ARID1B: variants seen among roughly 807,000 people sequenced by gnomAD.
The protein encoded by ARID1B is AT-rich interactive domain-containing protein 1B.
A neutral mutation model predicts 212.3 loss-of-function variants in ARID1B; 30 were observed. The observed-to-expected ratio is 0.14, with a 90% CI of 0.11 to 0.19. The LOEUF is 0.19. Among genes scored for constraint, ARID1B ranks in the 10% least tolerant of loss-of-function variants. The probability of loss-of-function intolerance (pLI) is 1.00; values close to 1 mark genes in which losing one functional copy is unlikely to be tolerated. For synonymous variants in ARID1B, 1,402 were observed against 1,301.7 expected, an observed-to-expected ratio of 1.08 and a Z score of -1.66; for missense variants, 2,891 against 3,204.0, an observed-to-expected ratio of 0.90 and a Z score of 2.36.
At chr6:156,898,377 C>T (rs796832249) in intron 2 of ARID1B, among the ~76,000 whole-genome samples, 3 of 152,198 alleles carry the variant, frequency 2.0e-5, no homozygotes, top group African/African-American at 7.2e-5. Flanking sequence ...GTGTCTTGGT[C>T]CTCAGCATAT....
rs1794616877 is a variant in ARID1B, at chr6:157,208,386, T to C, written c.*495T>C. ...TCCCATCACCCAAAGTTCTGTGCAA[T>C]AGAAATTTCTACAGATACAGGTATA... On this transcript the variant is annotated 3_prime_UTR_variant, in exon 20 of 20. Transcript: ENST00000636930. The C allele has an allele frequency of 4.3e-6, 1 of 233,456 alleles. No individual in the cohort carries two copies. The highest frequency in any genetic ancestry group is 8.5e-6 in the Non-Finnish European group (1 of 118,012). The allele number at this position is 233,456 out of a possible 1,614,324, so 14.5% of individuals were successfully genotyped here. A position where few individuals can be genotyped will look rare whatever the true frequency, so the allele number is the denominator to read the frequency against.
intron 4 of ARID1B, among the ~76,000 whole-genome samples, chr6:156,944,961 C>G (rs992372260): frequency 1.4e-5 from 2 of 143,604 alleles, no homozygotes; most frequent in Non-Finnish European, 3.0e-5. Flanking sequence ...CTCGCTGTGT[C>G]GCCCAGGCTG....
At chr6:157,140,870 C>T in intron 7 of ARID1B, 1 of 391,364 alleles carries the variant, frequency 2.6e-6, no homozygotes, top group South Asian at 1.4e-4. Context: ...AGAGTCCTCC[C>T]TCCTGTGTTT....
intron 13 of ARID1B, 173 bp downstream of exon 13, chr6:157,184,608 G>T: frequency 1.4e-6 from 1 of 728,442 alleles, no homozygotes. Context: ...AGTGTTAAGG[G>T]ATGAGAGAAT....
At chr6:156,905,743 A>T (rs1263330609) in intron 3 of ARID1B, among the ~76,000 whole-genome samples, 1 of 152,066 alleles carries the variant, frequency 6.6e-6, no homozygotes, top group African/African-American at 2.4e-5. Flanking sequence ...GTATATCCTC[A>T]TTATCCTTCT....
intron 4 of ARID1B, among the ~76,000 whole-genome samples, chr6:157,006,353 C>CA (rs1779251130): frequency 6.6e-6 from 1 of 152,180 alleles, no homozygotes; most frequent in East Asian, 1.9e-4. Context: ...GGTCCTCCCC[C>CA]ACCTCCCTCC....
chr6:157,001,383 A>G (rs1029720513), intron 4 of ARID1B, among the ~76,000 whole-genome samples: 8 of 152,186 alleles, frequency 5.3e-5, no homozygotes, highest in African/African-American at 9.7e-5. Flanking sequence ...GATAAATATG[A>G]GAAGTGCAGG....
At chr6:157,143,490 G>A (rs116971520) in intron 7 of ARID1B, among the ~76,000 whole-genome samples, 8,540 of 151,932 alleles carry the variant, frequency 0.056, 365 homozygotes, top group South Asian at 0.22. Flanking sequence ...AAAAGATGGG[G>A]GGGGTGATGT....
intron 2 of ARID1B, among the ~76,000 whole-genome samples, chr6:156,886,581 C>A (rs1209079865): frequency 1.3e-5 from 2 of 152,188 alleles, no homozygotes; most frequent in African/African-American, 4.8e-5. Context: ...CCACCTTTCA[C>A]TTCCGTTTAA....
intron 2 of ARID1B, among the ~76,000 whole-genome samples, chr6:156,856,305 A>G (rs149527438): frequency 2.4e-3 from 364 of 152,358 alleles, no homozygotes; most frequent in African/African-American, 8.2e-3. Context: ...CATATAGCCT[A>G]TGCTTTTCAG....
In ARID1B at chr6:157,041,578, G is replaced by A. The variant is rs1339444129; in HGVS notation, c.2248-43084G>A. Among the ~76,000 whole-genome samples, 4 of 152,124 alleles carry A rather than the reference G, an allele frequency of 2.6e-5. 1 individual carries two copies. Among genetic ancestry groups the A allele is most frequent in the Non-Finnish European group, 4.4e-5 (3 of 68,008 alleles). On this transcript the variant is annotated intron_variant, in intron 4 of 19. Coordinates refer to ENST00000636930, the MANE Select transcript of ARID1B (RefSeq NM_001374828.1). ...GATTAGGTGGCTAAGTCCAGAATTA[G>A]AAAAAAGCACGTTTTTATTTAATCC...
chr6:156,836,979 A>G (rs577878446), intron 2 of ARID1B, among the ~76,000 whole-genome samples: 1 of 152,328 alleles, frequency 6.6e-6, no homozygotes, highest in African/African-American at 2.4e-5. Flanking sequence ...ATTAGATTTT[A>G]AAGTCTTGTT....
chr6:157,103,618 C>G (rs1425293458), intron 5 of ARID1B, among the ~76,000 whole-genome samples: 1 of 152,070 alleles, frequency 6.6e-6, no homozygotes, highest in African/African-American at 2.4e-5. Flanking sequence ...ATACTAAAAT[C>G]CCAGAGTTAT....
chr6:156,808,655 G>C (rs1781350075), intron 1 of ARID1B, among the ~76,000 whole-genome samples: 1 of 152,074 alleles, frequency 6.6e-6, no homozygotes, highest in African/African-American at 2.4e-5. Flanking sequence ...TCTCTATAAA[G>C]AAGTCTTTTT....
chr6:157,132,451 G>A (rs1477672828), intron 6 of ARID1B, among the ~76,000 whole-genome samples: 1 of 152,220 alleles, frequency 6.6e-6, no homozygotes, highest in African/African-American at 2.4e-5. Context: ...CCTGTAAGGG[G>A]TAGTGCCGAG....
intron 8 of ARID1B, among the ~76,000 whole-genome samples, chr6:157,160,858 G>C (rs546927007): frequency 6.6e-6 from 1 of 152,192 alleles, no homozygotes; most frequent in African/African-American, 2.4e-5. Flanking sequence ...CTGAGAGATG[G>C]AGGGGACGTC....
At chr6:157,139,236 C>T (rs186534236) in intron 7 of ARID1B, among the ~76,000 whole-genome samples, 167 of 152,302 alleles carry the variant, frequency 1.1e-3, no homozygotes, top group African/African-American at 3.8e-3. Context: ...TGTGACCGAG[C>T]GCACCACCGT....
At chr6:157,067,270 A>G (rs1783726134) in intron 4 of ARID1B, among the ~76,000 whole-genome samples, 1 of 152,254 alleles carries the variant, frequency 6.6e-6, no homozygotes, top group African/African-American at 2.4e-5. Flanking sequence ...AGTTCGAGTC[A>G]CAAAGCCCAT....
intron 4 of ARID1B, among the ~76,000 whole-genome samples, chr6:157,069,361 C>G (rs1783873832): frequency 6.6e-6 from 1 of 152,132 alleles, no homozygotes; most frequent in African/African-American, 2.4e-5. Flanking sequence ...TTTATGGCCT[C>G]TCATTGTCAA....
Sources: gnomAD v4.1 joint callset for allele counts (sites outside exome capture counted in the v4.1 genomes callset) on GRCh38, gnomAD v4.1.1 for gene constraint, MANE v1.5 for transcripts, NCBI Gene and HGNC (gene_info 2026-07-23, HGNC 2026-07-21) for gene names.